Variants in CHN2 observed in about 807,000 individuals in gnomAD.
CHN2 encodes the protein beta-chimaerin.
In CHN2, 35 loss-of-function variants were observed where a neutral mutation model predicts 56.3. The ratio of observed to expected loss-of-function variants is 0.62; its 90% CI spans 0.47 to 0.82. The LOEUF (loss-of-function observed/expected upper bound fraction) is 0.82, where lower values mean the gene tolerates loss of function less well. CHN2 is among the 40% of genes least tolerant of loss of function. The pLI is 0.00. For synonymous variants in CHN2, 210 were observed against 212.8 expected (o/e 0.99, Z 0.12); for missense variants, 491 against 580.5 (o/e 0.85, Z 1.58).
chr7:29,220,031 C>T (rs966890967), intron 1 of CHN2, among the ~76,000 whole-genome samples: 11 of 151,702 alleles, frequency 7.3e-5, no homozygotes, highest in South Asian at 4.2e-4. Flanking sequence ...GCTGAGATTG[C>T]GCCATTGCAC....
chr7:29,169,635 C>G lies in CHN2; in HGVS notation c.274+22675C>G, dbSNP rs1003986390. The stretch of plus-strand genomic sequence containing the variant: ...TTTTCTACCTATTCTTCTTTGGCTT[C>G]TGCCTTTTCATGTCCTATGTATGGC... On this transcript the variant is annotated intron_variant, in intron 2 of 6. Coordinates refer to the CHN2 transcript ENST00000439384. Among the ~76,000 whole-genome samples the G allele has an allele frequency of 5.3e-5, 8 of 152,076 alleles. No homozygotes were observed. In the East Asian group the frequency reaches 1.4e-3, roughly 26 times the overall value.
At chr7:29,262,350 A>C (rs976653653) in intron 1 of CHN2, among the ~76,000 whole-genome samples, 1 of 152,214 alleles carries the variant, frequency 6.6e-6, no homozygotes, top group Non-Finnish European at 1.5e-5. Context: ...ATGTCAAAGA[A>C]AGTGTTAACC....
chr7:29,483,237 C>A (rs765438235), intron 7 of CHN2, among the ~76,000 whole-genome samples: 65 of 152,134 alleles, frequency 4.3e-4, no homozygotes, highest in Admixed American at 9.2e-4. Context: ...GGTAAAAAGC[C>A]CTTTCCTTTG....
intron 3 of CHN2, among the ~76,000 whole-genome samples, chr7:29,375,282 TC>T (rs1451880337): frequency 1.6e-5 from 2 of 125,758 alleles, no homozygotes; most frequent in African/African-American, 3.1e-5. Flanking sequence ...CACTGCAACC[TC>T]CACCTCCTGG....
intron 6 of CHN2, among the ~76,000 whole-genome samples, chr7:29,406,124 T>C (rs867331607): frequency 2.0e-5 from 3 of 152,212 alleles, no homozygotes; most frequent in Admixed American, 6.5e-5. Context: ...ATTTGCTTTT[T>C]CTCTAGGACA....
At position 29,400,762 on chromosome 7, in the gene CHN2, G is replaced by A; in HGVS notation, c.510G>A (p.Leu170=). The A allele has an allele frequency of 6.2e-7, 1 of 1,613,042 alleles. No homozygotes were observed. Among genetic ancestry groups the A allele is most frequent in the Non-Finnish European group, 8.5e-7 (1 of 1,179,736 alleles). Residue 170 remains leucine (L), a synonymous_variant, in exon 6 of 13, where the codon CTG becomes CTA. Coordinates refer to ENST00000222792, the MANE Select transcript of CHN2 (RefSeq NM_004067.4). ...TLLREKVSRR[L]SRSKNEPRKT... The stretch of plus-strand genomic sequence containing the variant: ...TCAGAGAAAAAGTATCCAGAAGGCT[G>A]AGCAGGTCTAAAAATGAACCAAGAA...
chr7:29,483,972 C>T (rs1378852181), intron 7 of CHN2: 1 of 872,094 alleles, frequency 1.1e-6, no homozygotes, highest in African/African-American at 1.7e-5. Context: ...GTCTCTGGCA[C>T]CCAGTAAGTA....
intron 2 of CHN2, among the ~76,000 whole-genome samples, chr7:29,167,894 A>G (rs1409077920): frequency 6.6e-6 from 1 of 152,208 alleles, no homozygotes; most frequent in East Asian, 1.9e-4. Context: ...TACTGATGCA[A>G]AAACCCCCAT....
intron 6 of CHN2, among the ~76,000 whole-genome samples, chr7:29,458,056 C>A (rs1784892938): frequency 6.6e-6 from 1 of 152,174 alleles, no homozygotes; most frequent in African/African-American, 2.4e-5. Context: ...GCATTATAGT[C>A]ATAAATCCTT....
chr7:29,505,523 C>G (rs1790469417), intron 10 of CHN2, among the ~76,000 whole-genome samples: 1 of 152,182 alleles, frequency 6.6e-6, no homozygotes, highest in Non-Finnish European at 1.5e-5. Flanking sequence ...ACTGCACACT[C>G]CAGCAATCCT....
intron 1 of CHN2, chr7:29,195,354 C>T (rs570981549): frequency 4.0e-6 from 1 of 251,656 alleles, no homozygotes; most frequent in Non-Finnish European, 7.5e-6. Flanking sequence ...CAGAGCGCCC[C>T]GACCTGTTTG....
upstream of CHN2, chr7:29,191,905 T>C (rs1782937378): frequency 6.6e-6 from 1 of 152,258 alleles, no homozygotes; most frequent in Admixed American, 6.5e-5. Context: ...CATGTCCTGA[T>C]AACTTACTGA....
chr7:29,194,024 T>A (rs1253178762), upstream of CHN2: 2 of 152,310 alleles, frequency 1.3e-5, no homozygotes, highest in African/African-American at 4.8e-5. Context: ...AAGGACAATT[T>A]GGAGAGGAGT....
At chr7:29,290,869 T>A (rs993276117) in intron 1 of CHN2, among the ~76,000 whole-genome samples, 2 of 151,966 alleles carry the variant, frequency 1.3e-5, no homozygotes, top group African/African-American at 2.4e-5. Flanking sequence ...ATTAAAAAAA[T>A]TTAGAACAGG....
chr7:29,205,706 A>G (rs143677770), intron 1 of CHN2, among the ~76,000 whole-genome samples: 2 of 152,312 alleles, frequency 1.3e-5, no homozygotes, highest in Non-Finnish European at 2.9e-5. Flanking sequence ...TCTCTACTCT[A>G]TGTAAAGCTC....
rs541792526 is a variant in CHN2, at chr7:29,442,934, C to CTTTTTTTTTT, written c.577-37337_577-37328dup. The stretch of plus-strand genomic sequence containing the variant: ...CATCGCTTTCAATTTCATTGAATTT[C>CTTTTTTTTTT]TTTTTTTTTTTTTTTTTGAGACGGA... On this transcript the variant is annotated intron_variant, in intron 6 of 12. Coordinates refer to ENST00000222792, the MANE Select transcript of CHN2 (RefSeq NM_004067.4). Among the ~76,000 whole-genome samples the CTTTTTTTTTT allele has an allele frequency of 9.1e-4, 94 of 103,060 alleles. 12 individuals are homozygous for CTTTTTTTTTT. Among genetic ancestry groups the CTTTTTTTTTT allele is most frequent in the African/African-American group, 4.0e-3 (84 of 21,036 alleles). 67.6% of individuals were successfully genotyped at this position (103,060 alleles called of 152,430 possible). A position where few individuals can be genotyped will look rare whatever the true frequency, so the allele number is the denominator to read the frequency against.
At chr7:29,443,819 A>C (rs1473216031) in intron 6 of CHN2, among the ~76,000 whole-genome samples, 2 of 152,138 alleles carry the variant, frequency 1.3e-5, no homozygotes, top group Admixed American at 1.3e-4. Flanking sequence ...CCCACTCAGT[A>C]TTGACTAATG....
chr7:29,302,500 CTT>C (rs70980525), intron 1 of CHN2, among the ~76,000 whole-genome samples: 8,096 of 117,700 alleles, frequency 0.069, 296 homozygotes, highest in East Asian at 0.21. Flanking sequence ...AATTTTAATT[CTT>C]TTTTTTTTTT....
rs778022819 is a variant in CHN2, at chr7:29,511,996, C to G, written c.1236-568C>G. On this transcript the variant is annotated intron_variant, in intron 12 of 12. Coordinates refer to ENST00000222792, the MANE Select transcript of CHN2 (RefSeq NM_004067.4). Reference sequence around the variant, plus strand: ...GGAACTAGAAATAATGTCCAACTGCCGTCCAGTCTGGCGACATTCCAGCCG... The same window carrying G: ...GGAACTAGAAATAATGTCCAACTGCGGTCCAGTCTGGCGACATTCCAGCCG... Among the ~76,000 whole-genome samples the G allele has an allele frequency of 8.5e-5, 13 of 152,100 alleles. No homozygotes were observed. In the East Asian group the frequency reaches 2.3e-3, roughly 27 times the overall value.
Sources: allele counts gnomAD v4.1 joint callset (sites outside exome capture counted in the v4.1 genomes callset), GRCh38; gene constraint gnomAD v4.1.1; transcripts MANE v1.5; gene names NCBI Gene and HGNC (gene_info 2026-07-23, HGNC 2026-07-21).